The following CCSER1 variants were observed in gnomAD, a reference collection of about 807,000 sequenced individuals.
The protein encoded by CCSER1 is serine-rich coiled-coil domain-containing protein 1.
A neutral mutation model predicts 82.0 loss-of-function variants in CCSER1; 41 were observed. The ratio of observed to expected loss-of-function variants is 0.50; its 90% CI spans 0.39 to 0.65. The LOEUF (loss-of-function observed/expected upper bound fraction) is 0.65. CCSER1 is among the 30% of genes least tolerant of loss of function. The pLI is 0.00. For synonymous variants in CCSER1, 414 were observed against 383.9 expected (o/e 1.08, Z -0.92); for missense variants, 1,119 against 1,064.2 (o/e 1.05, Z -0.72).
chr4:90,579,118 C>T (rs373072032), intron 5 of CCSER1, among the ~76,000 whole-genome samples: 15 of 125,208 alleles, frequency 1.2e-4, no homozygotes, highest in African/African-American at 5.7e-4. Context: ...AAGGGTAATA[C>T]TTGTTTTTAA....
intron 10 of CCSER1, among the ~76,000 whole-genome samples, chr4:91,304,090 T>C (rs1744869740): frequency 6.6e-6 from 1 of 152,014 alleles, no homozygotes; most frequent in Non-Finnish European, 1.5e-5. Context: ...TCTTTTGCTA[T>C]TTTAACTGAA....
At chr4:91,470,990 A>G (rs987456608) in intron 10 of CCSER1, among the ~76,000 whole-genome samples, 2 of 152,196 alleles carry the variant, frequency 1.3e-5, no homozygotes, top group African/African-American at 4.8e-5. Flanking sequence ...GAAAATTTCA[A>G]ATTAACTTCA....
chr4:91,035,088 GTGA>G (rs768302274), intron 9 of CCSER1, among the ~76,000 whole-genome samples: 7 of 152,122 alleles, frequency 4.6e-5, no homozygotes, highest in Non-Finnish European at 8.8e-5. Flanking sequence ...TAAGACTGAA[GTGA>G]TGGGACACAG....
intron 1 of CCSER1, among the ~76,000 whole-genome samples, chr4:90,254,484 T>TG (rs1722925020): frequency 6.6e-6 from 1 of 152,128 alleles, no homozygotes; most frequent in African/African-American, 2.4e-5. Flanking sequence ...CAGCTATGCC[T>TG]GGGGGTAGAT....
At chr4:90,839,200 C>G (rs1046543678) in intron 8 of CCSER1, among the ~76,000 whole-genome samples, 2 of 152,134 alleles carry the variant, frequency 1.3e-5, no homozygotes, top group African/African-American at 4.8e-5. Context: ...GTCTAAGAAG[C>G]CTATTATCTA....
chr4:90,899,004 A>G (rs1724193189), intron 8 of CCSER1, among the ~76,000 whole-genome samples: 1 of 151,670 alleles, frequency 6.6e-6, no homozygotes, highest in Non-Finnish European at 1.5e-5. Context: ...ATTTGATAGG[A>G]ATTTATTTGA....
intron 1 of CCSER1, among the ~76,000 whole-genome samples, chr4:90,144,680 A>G (rs561609784): frequency 6.6e-6 from 1 of 152,340 alleles, no homozygotes; most frequent in Non-Finnish European, 1.5e-5. Flanking sequence ...TTTCAAGAAT[A>G]CAGTATAATA....
rs542877113 is a variant in CCSER1, at chr4:90,309,453, C to G, written c.1169C>G (p.Ser390Cys). 2 of 1,613,810 alleles carry G rather than the reference C, an allele frequency of 1.2e-6. No homozygotes were observed. The highest frequency in any genetic ancestry group is 3.3e-5 in the Admixed American group (2 of 60,008). The stretch of plus-strand genomic sequence containing the variant: ...GGTGAAACAATGCTGGGGACAAACT[C>G]CCCAAGGAAACTTGGATTTTATGAG... ...QNGETMLGTN[S>C]PRKLGFYEQH... The change falls in exon 2 of 11, where the codon TCC becomes TGC. Residue 390 changes from serine (S) to cysteine (C), a missense_variant. Transcript: ENST00000509176.
intron 10 of CCSER1, among the ~76,000 whole-genome samples, chr4:91,090,742 T>A (rs1017152899): frequency 2.6e-5 from 4 of 152,168 alleles, no homozygotes; most frequent in African/African-American, 9.7e-5. Context: ...AAAAACAAAT[T>A]TCTAGTTTTT....
intron 5 of CCSER1, among the ~76,000 whole-genome samples, chr4:90,510,069 G>A (rs1474767111): frequency 6.6e-6 from 1 of 152,050 alleles, no homozygotes; most frequent in Non-Finnish European, 1.5e-5. Context: ...TTTCTCCTTA[G>A]ATGTGCTCAT....
At chr4:90,852,648 C>T (rs80215342) in intron 8 of CCSER1, among the ~76,000 whole-genome samples, 157 of 152,260 alleles carry the variant, frequency 1.0e-3, no homozygotes, top group African/African-American at 3.7e-3. Flanking sequence ...ATCATGCTAG[C>T]TAGGAAGAAC....
At chr4:90,455,565 A>T (rs1762057824) in intron 4 of CCSER1, among the ~76,000 whole-genome samples, 1 of 152,044 alleles carries the variant, frequency 6.6e-6, no homozygotes, top group Non-Finnish European at 1.5e-5. Flanking sequence ...CTTTCCAGCA[A>T]ATACCCAGGG....
intron 5 of CCSER1, among the ~76,000 whole-genome samples, chr4:90,547,805 C>G (rs1048883913): frequency 2.6e-5 from 4 of 151,922 alleles, no homozygotes; most frequent in Non-Finnish European, 5.9e-5. Context: ...TTTTTTTGTA[C>G]CTTTACAAAT....
chr4:90,722,551 A>AATTTTT (rs1742853602), intron 6 of CCSER1, among the ~76,000 whole-genome samples: 1 of 151,858 alleles, frequency 6.6e-6, no homozygotes, highest in Non-Finnish European at 1.5e-5. Context: ...TAAATTTTGA[A>AATTTTT]ATTAAAGTCA....
At chr4:90,874,681 GAA>G in intron 8 of CCSER1, among the ~76,000 whole-genome samples, 1 of 152,078 alleles carries the variant, frequency 6.6e-6, no homozygotes, top group Non-Finnish European at 1.5e-5. Context: ...TTCTTTAAAG[GAA>G]ATACTAATCC....
At chr4:91,168,758 A>C (rs1395949520) in intron 10 of CCSER1, among the ~76,000 whole-genome samples, 1 of 152,062 alleles carries the variant, frequency 6.6e-6, no homozygotes, top group Non-Finnish European at 1.5e-5. Flanking sequence ...GTTGAAAAGA[A>C]AAGGGGGAAA....
chr4:90,778,384 T>C (rs2149597046), intron 7 of CCSER1, among the ~76,000 whole-genome samples: 1 of 152,232 alleles, frequency 6.6e-6, no homozygotes, highest in African/African-American at 2.4e-5. Context: ...AATTTGAAAA[T>C]AGAATGTGCA....
chr4:91,271,091 A>G (rs547587393), intron 10 of CCSER1, among the ~76,000 whole-genome samples: 1 of 152,020 alleles, frequency 6.6e-6, no homozygotes, highest in Non-Finnish European at 1.5e-5. Flanking sequence ...TGTTGTTTTA[A>G]TTCATTGTCT....
At chr4:90,651,042 T>A (rs1728659750) in intron 6 of CCSER1, among the ~76,000 whole-genome samples, 1 of 152,202 alleles carries the variant, frequency 6.6e-6, no homozygotes, top group Non-Finnish European at 1.5e-5. Context: ...ATTTGTAGAA[T>A]AAAGACTTGA....
Sources: allele counts gnomAD v4.1 joint callset (sites outside exome capture counted in the v4.1 genomes callset), GRCh38; gene constraint gnomAD v4.1.1; transcripts MANE v1.5; gene names NCBI Gene and HGNC (gene_info 2026-07-23, HGNC 2026-07-21).